CLDN5: variants seen among roughly 807,000 people sequenced by gnomAD.
CLDN5 encodes claudin-5.
CLDN5 carries 4 observed loss-of-function variants against 1.3 expected under a neutral mutation model. The ratio of observed to expected loss-of-function variants is 3.07; its 90% CI spans 1.51 to 7.03. The LOEUF (loss-of-function observed/expected upper bound fraction) is 7.03. Ranked by LOEUF, CLDN5 falls within the 30% of genes most tolerant of loss-of-function variation. The pLI is 0.00. For missense variants in CLDN5, 225 were observed against 303.5 expected (o/e 0.74, Z 1.92); for synonymous variants, 156 against 152.3 (o/e 1.02, Z -0.18).
chr22:19,523,452 G>C lies in CLDN5; in HGVS notation c.*147C>G, dbSNP rs1934149806. 1 of 1,169,170 alleles carries C rather than the reference G, an allele frequency of 8.6e-7. No homozygotes were observed. The highest frequency in any genetic ancestry group is 1.1e-6 in the Non-Finnish European group (1 of 870,098). 72.4% of individuals were successfully genotyped at this position (1,169,170 alleles called of 1,614,324 possible). On this transcript the variant is annotated 3_prime_UTR_variant, in exon 1 of 1. Transcript: ENST00000618236. ...GGCGCAGGCAGGAGCGGATCCAGGAGCCGCGTCGGGGCGCAGAGCCGGACG... is the reference window on the plus strand; with the variant it reads ...GGCGCAGGCAGGAGCGGATCCAGGACCCGCGTCGGGGCGCAGAGCCGGACG...
Position 19,523,423 on chromosome 22 carries a change from T to A in CLDN5, c.*176A>T. ...GGGCTAGTGGCAGGAGAAGGTCAGC[T>A]GCGGGCGCAGGCAGGAGCGGATCCA... On this transcript the variant is annotated 3_prime_UTR_variant, in exon 1 of 1. Transcript: ENST00000618236. The A allele has an allele frequency of 1.2e-6, 1 of 845,906 alleles. No individual in the cohort carries two copies. The allele number at this position is 845,906 out of a possible 1,614,324, so 52.4% of individuals were successfully genotyped here.
chr22:19,524,262 A>T lies in CLDN5; in HGVS notation c.-7T>A, dbSNP rs1934178638. On this transcript the variant is annotated 5_prime_UTR_variant, in exon 1 of 1. Coordinates refer to ENST00000618236, the MANE Select transcript of CLDN5 (RefSeq NM_001363066.2). ...CCAACGCTGCGGACCCCATGGCTAGAGGCGAGACGCGCACCCGAAGGCCCG... is the reference window on the plus strand; with the variant it reads ...CCAACGCTGCGGACCCCATGGCTAGTGGCGAGACGCGCACCCGAAGGCCCG... The T allele has an allele frequency of 6.4e-7, 1 of 1,564,268 alleles. No homozygotes were observed. Among genetic ancestry groups the T allele is most frequent in the African/African-American group, 1.4e-5 (1 of 73,414 alleles).
In CLDN5 at chr22:19,524,248, G is replaced by A. The variant is rs1316754512; in HGVS notation, c.8C>T (p.Ser3Phe). The stretch of plus-strand genomic sequence containing the variant: ...CAGGCCCAGGATCTCCAACGCTGCG[G>A]ACCCCATGGCTAGAGGCGAGACGCG... MG[S>F]AALEILGLVL... The change falls in exon 1 of 1, where the codon TCC (serine) becomes TTC (phenylalanine). Residue 3 changes from serine (S) to phenylalanine (F), a missense_variant. This residue lies in a region of CLDN5 where 41 missense variants were observed against 40.5 expected (regional missense o/e 1.01). Transcript: ENST00000618236. The A allele has an allele frequency of 6.3e-7, 1 of 1,578,300 alleles. No individual in the cohort carries two copies. Among genetic ancestry groups the A allele is most frequent in the Non-Finnish European group, 8.6e-7 (1 of 1,162,696 alleles).
rs1602012364 is a variant in CLDN5, at chr22:19,523,515, C to T, written c.*84G>A. 6.8e-7 allele frequency: 1 copy of T among 1,465,598 alleles called. No individual in the cohort carries two copies. The highest frequency in any genetic ancestry group is 2.4e-5 in the East Asian group (1 of 40,872). The allele number at this position is 1,465,598 out of a possible 1,614,324, so 90.8% of individuals were successfully genotyped here. A position where few individuals can be genotyped will look rare whatever the true frequency, so the allele number is the denominator to read the frequency against. ...TGCGCGCCGCGCTACCCGGCGGAAG[C>T]CGCGGTCCATGCGGGGCTCCCCAGG... is the stretch of plus-strand genomic sequence containing the variant. On this transcript the variant is annotated 3_prime_UTR_variant, in exon 1 of 1. Transcript: ENST00000618236.
chr22:19,523,610 T>G lies in CLDN5; in HGVS notation c.646A>C (p.Asn216His). ...PTATGDYDKK[N>H]YV ...CGTGCCCAGCGCCCTCAGACGTAGTTCTTCTTGTCGTAGTCGCCGGTGGCC... is the reference window on the plus strand; with the variant it reads ...CGTGCCCAGCGCCCTCAGACGTAGTGCTTCTTGTCGTAGTCGCCGGTGGCC... The change falls in exon 1 of 1, where the codon AAC (asparagine) becomes CAC (histidine). Residue 216 changes from asparagine to histidine, a missense_variant. Asn to His is a moderately conservative substitution (Grantham distance 68, BLOSUM62 1). Around this residue, in one of 3 missense-constraint regions of CLDN5, gnomAD observed 165 missense variants for 211.9 expected, o/e 0.78. Transcript: ENST00000618236. The G allele has an allele frequency of 6.3e-7, 1 of 1,592,152 alleles. No homozygotes were observed. Among genetic ancestry groups the G allele is most frequent in the South Asian group, 1.1e-5 (1 of 90,276 alleles).
chr22:19,524,077 C>G lies in CLDN5; in HGVS notation c.179G>C (p.Gly60Ala). 6.2e-7 allele frequency: 1 copy of G among 1,605,612 alleles called. No individual in the cohort carries two copies. The highest frequency in any genetic ancestry group is 8.5e-7 in the Non-Finnish European group (1 of 1,179,650). ...LWMSCVVQST[G>A]HMQCKVYDSV... ...GTCGTACACTTTGCACTGCATGTGC[C>G]CGGTGCTCTGCACCACGCACGACAT... The change falls in exon 1 of 1, where the codon GGG becomes GCG. Residue 60 changes from glycine (G) to alanine (A), a missense_variant. Physicochemically the swap from Gly to Ala is moderately conservative, Grantham distance 60 (BLOSUM62 0). Transcript: ENST00000618236.
At chr22:19,524,624 A>G, upstream of CLDN5, 3 of 1,312,668 alleles carry the variant, frequency 2.3e-6, no homozygotes, top group Non-Finnish European at 2.9e-6. Context: ...CCCCAGCCCC[A>G]CCCGCCGTTG....
rs1490947417 is a variant in CLDN5, at chr22:19,523,448, A to G, written c.*151T>C. 3 of 1,137,622 alleles carry G rather than the reference A, an allele frequency of 2.6e-6. No homozygotes were observed. Among genetic ancestry groups the G allele is most frequent in the Non-Finnish European group, 3.6e-6 (3 of 841,628 alleles). The allele number at this position is 1,137,622 out of a possible 1,614,324, so 70.5% of individuals were successfully genotyped here. On this transcript the variant is annotated 3_prime_UTR_variant, in exon 1 of 1. Coordinates refer to ENST00000618236, the MANE Select transcript of CLDN5 (RefSeq NM_001363066.2). ...TGCGGGCGCAGGCAGGAGCGGATCCAGGAGCCGCGTCGGGGCGCAGAGCCG... is the reference window on the plus strand; with the variant it reads ...TGCGGGCGCAGGCAGGAGCGGATCCGGGAGCCGCGTCGGGGCGCAGAGCCG...
chr22:19,523,422 C>A lies in CLDN5; in HGVS notation c.*177G>T. On this transcript the variant is annotated 3_prime_UTR_variant, in exon 1 of 1. Transcript: ENST00000618236. ...CGGGCTAGTGGCAGGAGAAGGTCAG[C>A]TGCGGGCGCAGGCAGGAGCGGATCC... 1.2e-6 allele frequency: 1 copy of A among 835,990 alleles called. No individual in the cohort carries two copies. Among genetic ancestry groups the A allele is most frequent in the South Asian group, 1.9e-5 (1 of 51,312 alleles). 51.8% of individuals were successfully genotyped at this position (835,990 alleles called of 1,614,324 possible).
rs1178146496 is a variant in CLDN5 at position 19,523,983 on chromosome 22, C to T, written c.273G>A (p.Ala91=). ...CCAGGGTCACGAAGAGCGCAACGAA[C>T]GCCAGCAGCACGGCGCTCACGGTGA... is the stretch of plus-strand genomic sequence containing the variant. ...RALTVSAVLL[A]FVALFVTLAG... is the part of the protein sequence containing the mutation. Residue 91 remains alanine, a synonymous_variant, in exon 1 of 1, where the codon GCG becomes GCA. Transcript: ENST00000618236. 7 of 1,588,638 alleles carry T rather than the reference C, an allele frequency of 4.4e-6. No homozygotes were observed. The East Asian group carries it at 6.8e-5, about 15-fold the overall frequency.
chr22:19,523,525 T>A lies in CLDN5; in HGVS notation c.*74A>T. On this transcript the variant is annotated 3_prime_UTR_variant, in exon 1 of 1. Coordinates refer to ENST00000618236, the MANE Select transcript of CLDN5 (RefSeq NM_001363066.2). ...GCTACCCGGCGGAAGCCGCGGTCCA[T>A]GCGGGGCTCCCCAGGCTTATCCAAC... is the stretch of plus-strand genomic sequence containing the variant. The A allele has an allele frequency of 6.7e-7, 1 of 1,481,900 alleles. No homozygotes were observed. The highest frequency in any genetic ancestry group is 8.9e-7 in the Non-Finnish European group (1 of 1,125,026). The allele number at this position is 1,481,900 out of a possible 1,614,324, so 91.8% of individuals were successfully genotyped here.
In CLDN5 at chr22:19,524,380, C is replaced by T. The variant is rs957193630; in HGVS notation, c.-125G>A. On this transcript the variant is annotated 5_prime_UTR_variant, in exon 1 of 1. Coordinates refer to ENST00000618236, the MANE Select transcript of CLDN5 (RefSeq NM_001363066.2). ...GGCTCTTGGCCCCAGTCCGTTTGCC[C>T]CGCGGGTCTGTCGCACCTCCTGGGT... 2.2e-5 allele frequency: 33 copies of T among 1,467,268 alleles called. No homozygotes were observed. Among genetic ancestry groups the T allele is most frequent in the Non-Finnish European group, 2.7e-5 (30 of 1,108,584 alleles). The allele number at this position is 1,467,268 out of a possible 1,614,324, so 90.9% of individuals were successfully genotyped here. A position where few individuals can be genotyped will look rare whatever the true frequency, so the allele number is the denominator to read the frequency against.
In CLDN5 at chr22:19,524,231, G is replaced by A. The variant is rs946570778; in HGVS notation, c.25C>T (p.Leu9=). The A allele has an allele frequency of 6.3e-7, 1 of 1,592,152 alleles. No individual in the cohort carries two copies. Among genetic ancestry groups the A allele is most frequent in the African/African-American group, 1.3e-5 (1 of 74,318 alleles). MGSAALEI[L]GLVLCLVGWG... is the part of the protein sequence containing the mutation. ...CCCACCAGGCACAGCACCAGGCCCA[G>A]GATCTCCAACGCTGCGGACCCCATG... is the stretch of plus-strand genomic sequence containing the variant. Residue 9 remains leucine (L), a synonymous_variant, in exon 1 of 1, where the codon CTG becomes TTG. Transcript: ENST00000618236.
chr22:19,523,362 A>G lies in CLDN5; in HGVS notation c.*237T>C. On this transcript the variant is annotated 3_prime_UTR_variant, in exon 1 of 1. Transcript: ENST00000618236. ...CTATGGAAACAGCGCCGCGCACAGA[A>G]AAGGAAACTTCATTCCGTCTGTTAA... is the stretch of plus-strand genomic sequence containing the variant. The G allele has an allele frequency of 1.8e-6, 1 of 544,450 alleles. No homozygotes were observed. Among genetic ancestry groups the G allele is most frequent in the Non-Finnish European group, 3.1e-6 (1 of 320,666 alleles). 33.7% of individuals were successfully genotyped at this position (544,450 alleles called of 1,614,324 possible). A position where few individuals can be genotyped will look rare whatever the true frequency, so the allele number is the denominator to read the frequency against.
chr22:19,525,261 GCA>G, upstream of CLDN5: 1 of 1,000,268 alleles, frequency 1.0e-6, no homozygotes, highest in South Asian at 4.7e-5. Flanking sequence ...CAGTGACCCA[GCA>G]CACTGGGTGT....
Position 19,524,359 on chromosome 22 carries a change from C to A in CLDN5, c.-104G>T, listed in dbSNP as rs1373548430. The A allele has an allele frequency of 1.2e-5, 18 of 1,481,998 alleles. No homozygotes were observed. The highest frequency in any genetic ancestry group is 1.6e-5 in the Non-Finnish European group (18 of 1,115,042). The allele number at this position is 1,481,998 out of a possible 1,614,324, so 91.8% of individuals were successfully genotyped here. ...TGCCTTTGCGCCCGCGCTCCCGGCT[C>A]TTGGCCCCAGTCCGTTTGCCCCGCG... On this transcript the variant is annotated 5_prime_UTR_variant, in exon 1 of 1. Coordinates refer to ENST00000618236, the MANE Select transcript of CLDN5 (RefSeq NM_001363066.2).
chr22:19,523,770 T>A lies in CLDN5; in HGVS notation c.486A>T (p.Ala162=). 6.2e-7 allele frequency: 1 copy of A among 1,605,764 alleles called. No individual in the cohort carries two copies. The highest frequency in any genetic ancestry group is 8.5e-7 in the Non-Finnish European group (1 of 1,176,882). Residue 162 remains alanine, a synonymous_variant, in exon 1 of 1, where the codon GCA becomes GCT. Coordinates refer to ENST00000618236, the MANE Select transcript of CLDN5 (RefSeq NM_001363066.2). Reference sequence around the variant, plus strand: ...TGGCCGCCCAGCCGATGTACAGCGCTGCGCCCAGCTCGTACTTCTGCGACA... The same window carrying A: ...TGGCCGCCCAGCCGATGTACAGCGCAGCGCCCAGCTCGTACTTCTGCGACA... The part of the protein sequence containing the change: ...VPVSQKYELG[A]ALYIGWAATA...
upstream of CLDN5, chr22:19,524,890 C>T (rs1602014676): frequency 1.9e-6 from 2 of 1,073,574 alleles, no homozygotes; most frequent in East Asian, 1.3e-4. Flanking sequence ...CCAGAAAGCC[C>T]GCCCCGGGGT....
chr22:19,524,459 T>TC, upstream of CLDN5: 3 of 1,426,590 alleles, frequency 2.1e-6, no homozygotes, highest in Non-Finnish European at 2.8e-6. Flanking sequence ...GCGGATTCTG[T>TC]CCCCCGGGCC....
Sources: gnomAD v4.1 joint callset for allele counts on GRCh38, gnomAD v4.1.1 for gene constraint, gnomAD v4.1.1 regional missense constraint, MANE v1.5 for transcripts, NCBI Gene and HGNC (gene_info 2026-07-23, HGNC 2026-07-21) for gene names.